Variants in TPH2 observed in about 807,000 individuals in gnomAD.
The protein encoded by TPH2 is tryptophan hydroxylase 2.
TPH2 carries 27 observed loss-of-function variants against 59.1 expected under a neutral mutation model. The observed-to-expected ratio is 0.46, with a 90% CI of 0.34 to 0.63. The LOEUF is 0.63. Ranked by LOEUF, TPH2 falls within the 30% of genes least tolerant of loss-of-function variation. The probability of loss-of-function intolerance (pLI) is 0.01; values close to 1 mark genes in which losing one functional copy is unlikely to be tolerated. For synonymous variants in TPH2, 220 were observed against 210.5 expected (o/e 1.05, Z -0.39); for missense variants, 523 against 588.3 (o/e 0.89, Z 1.15).
chr12:71,971,719 C>T (rs1249145345), intron 5 of TPH2, among the ~76,000 whole-genome samples: 2 of 152,166 alleles, frequency 1.3e-5, no homozygotes, highest in African/African-American at 4.8e-5. Flanking sequence ...ATATTCTAAA[C>T]CAGTCACTAG....
chr12:71,961,475 T>C, intron 5 of TPH2: 2 of 1,285,770 alleles, frequency 1.6e-6, no homozygotes, highest in Non-Finnish European at 2.1e-6. Flanking sequence ...TTAGCTGTGT[T>C]CTGTCTCTTT....
chr12:72,014,650 C>T (rs1007829865), intron 8 of TPH2, among the ~76,000 whole-genome samples: 5 of 152,102 alleles, frequency 3.3e-5, no homozygotes, highest in South Asian at 2.1e-4. Context: ...CTTGGCCTCC[C>T]GAAGTGCTGG....
intron 5 of TPH2, among the ~76,000 whole-genome samples, chr12:71,954,480 C>A (rs1295374616): frequency 1.3e-5 from 2 of 152,108 alleles, no homozygotes; most frequent in East Asian, 1.9e-4. Flanking sequence ...AAAATAAATT[C>A]TAGTATAAAC....
chr12:71,999,111 C>G (rs899932501), intron 8 of TPH2, among the ~76,000 whole-genome samples: 1 of 152,190 alleles, frequency 6.6e-6, no homozygotes, highest in Non-Finnish European at 1.5e-5. Context: ...ACTCTTTGTC[C>G]AAAGCAGCTT....
At position 71,958,183 on chromosome 12, in the gene TPH2, T is replaced by G. The variant is rs569225433; in HGVS notation, c.608+8528T>G. Among the ~76,000 whole-genome samples, 6 of 152,304 alleles carry G rather than the reference T, an allele frequency of 3.9e-5. No homozygotes were observed. The South Asian group carries it at 1.2e-3, about 32-fold the overall frequency. On this transcript the variant is annotated intron_variant, in intron 5 of 10. Coordinates refer to ENST00000333850, the MANE Select transcript of TPH2 (RefSeq NM_173353.4). ...TTAAAATTCCTCTGAAATGGAGCAG[T>G]AAATTGAAGAGCAGAACTGAAGCAA...
intron 1 of TPH2, among the ~76,000 whole-genome samples, chr12:71,939,831 T>A (rs1399584728): frequency 6.6e-6 from 1 of 152,170 alleles, no homozygotes; most frequent in East Asian, 1.9e-4. Flanking sequence ...TAAAAATGTA[T>A]CCAGGTCCTA....
intron 5 of TPH2, among the ~76,000 whole-genome samples, chr12:71,963,882 A>C (rs1592389372): frequency 1.9e-5 from 1 of 51,626 alleles, no homozygotes; most frequent in East Asian, 6.5e-4. Flanking sequence ...GGTTGAAAAC[A>C]AGACCAATCG....
chr12:72,019,887 C>T (rs746423945), intron 8 of TPH2, among the ~76,000 whole-genome samples: 47 of 152,248 alleles, frequency 3.1e-4, no homozygotes, highest in Non-Finnish European at 5.6e-4. Context: ...ACTACAACCC[C>T]GGGGTTGGAG....
Position 72,031,701 on chromosome 12 carries a change from G to A in TPH2, c.*6G>A, listed in dbSNP as rs189894207. On this transcript the variant is annotated 3_prime_UTR_variant, in exon 11 of 11. Transcript: ENST00000333850. ...ACCAATATCTGGGGATTTGATGCCT[G>A]GAACTATGTTGTTGCCAGCATGATC... is the stretch of plus-strand genomic sequence containing the variant. 1.2e-6 allele frequency: 2 copies of A among 1,613,272 alleles called. No homozygotes were observed. The highest frequency in any genetic ancestry group is 4.5e-5 in the East Asian group (2 of 44,868).
At chr12:71,968,985 A>G (rs1199626612) in intron 5 of TPH2, among the ~76,000 whole-genome samples, 1 of 152,224 alleles carries the variant, frequency 6.6e-6, no homozygotes, top group African/African-American at 2.4e-5. Context: ...ATAGGCCCAT[A>G]GAAAGATGCA....
At chr12:71,974,193 TA>T (rs1179300124) in intron 6 of TPH2, among the ~76,000 whole-genome samples, 42 of 152,262 alleles carry the variant, frequency 2.8e-4, no homozygotes, top group African/African-American at 9.9e-4. Context: ...GGCTTGCCTC[TA>T]AGGACTCCCC....
chr12:72,008,881 A>G (rs924858287), intron 8 of TPH2, among the ~76,000 whole-genome samples: 19 of 152,074 alleles, frequency 1.2e-4, no homozygotes, highest in African/African-American at 4.1e-4. Context: ...TCTTTAAATC[A>G]TGCAATCCTC....
chr12:72,009,654 C>A (rs1480035066), intron 8 of TPH2, among the ~76,000 whole-genome samples: 2 of 152,210 alleles, frequency 1.3e-5, no homozygotes, highest in East Asian at 3.8e-4. Flanking sequence ...AGTGTGTGTT[C>A]TTCATTGGCT....
chr12:71,987,209 A>T (rs188325175), intron 7 of TPH2, among the ~76,000 whole-genome samples: 62 of 152,338 alleles, frequency 4.1e-4, no homozygotes, highest in Non-Finnish European at 5.9e-4. Flanking sequence ...TTTATGTGAC[A>T]CTGGAAATTA....
At chr12:71,952,248 T>C (rs1342175309) in intron 5 of TPH2, among the ~76,000 whole-genome samples, 2 of 152,010 alleles carry the variant, frequency 1.3e-5, no homozygotes, top group African/African-American at 4.8e-5. Context: ...AAGAGTAAGA[T>C]GAAGGTGTGA....
chr12:71,988,445 A>G (rs1872499911), intron 7 of TPH2, among the ~76,000 whole-genome samples: 1 of 152,172 alleles, frequency 6.6e-6, no homozygotes, highest in Admixed American at 6.5e-5. Flanking sequence ...GGAAGCTTCC[A>G]ATCATGATGG....
intron 8 of TPH2, among the ~76,000 whole-genome samples, chr12:72,021,723 A>G (rs947215013): frequency 6.6e-6 from 1 of 152,200 alleles, no homozygotes; most frequent in East Asian, 1.9e-4. Flanking sequence ...ATGTAAACCT[A>G]TTGTAAGTCG....
At chr12:72,029,081 A>C (rs1873647910) in intron 9 of TPH2, among the ~76,000 whole-genome samples, 1 of 152,214 alleles carries the variant, frequency 6.6e-6, no homozygotes, top group Non-Finnish European at 1.5e-5. Flanking sequence ...CTGTCATTGC[A>C]TACACACCTC....
intron 5 of TPH2, among the ~76,000 whole-genome samples, chr12:71,951,494 C>T (rs1871344642): frequency 6.6e-6 from 1 of 152,146 alleles, no homozygotes; most frequent in Non-Finnish European, 1.5e-5. Context: ...TGTGTGCCAC[C>T]ATGCCCAGCT....
Sources: gnomAD v4.1 joint callset for allele counts (sites outside exome capture counted in the v4.1 genomes callset) on GRCh38, gnomAD v4.1.1 for gene constraint, MANE v1.5 for transcripts, NCBI Gene and HGNC (gene_info 2026-07-23, HGNC 2026-07-21) for gene names.